The following SNX9 variants were observed in gnomAD, a reference collection of about 807,000 sequenced individuals.
SNX9 encodes sorting nexin-9.
In SNX9, 44 loss-of-function variants were observed where a neutral mutation model predicts 89.4. That is an observed-to-expected ratio of 0.49 (90% CI 0.39 to 0.63). The LOEUF (loss-of-function observed/expected upper bound fraction) is 0.63. Among genes scored for constraint, SNX9 ranks in the 30% least tolerant of loss-of-function variants. The pLI is 0.00. For missense variants in SNX9, 578 were observed against 736.1 expected, an observed-to-expected ratio of 0.79 and a Z score of 2.49; for synonymous variants, 236 against 247.8, an observed-to-expected ratio of 0.95 and a Z score of 0.45.
intron 4 of SNX9, among the ~76,000 whole-genome samples, chr6:157,880,168 A>G (rs1336785502): frequency 6.6e-6 from 1 of 152,234 alleles, no homozygotes; most frequent in Non-Finnish European, 1.5e-5. Flanking sequence ...CAGGCTTGCC[A>G]GTGCGGCTCC....
At chr6:157,853,754 C>T (rs1198421167) in intron 1 of SNX9, among the ~76,000 whole-genome samples, 1 of 151,360 alleles carries the variant, frequency 6.6e-6, no homozygotes, top group Non-Finnish European at 1.5e-5. Flanking sequence ...ATAGTTATGC[C>T]ACAATTTTTA....
chr6:157,834,016 G>A (rs1156650863), intron 1 of SNX9, among the ~76,000 whole-genome samples: 1 of 152,080 alleles, frequency 6.6e-6, no homozygotes, highest in Non-Finnish European at 1.5e-5. Flanking sequence ...GTACTTAGAG[G>A]TAATGAGGCG....
Position 157,823,868 on chromosome 6 carries a change from G to A in SNX9, c.12+422G>A, listed in dbSNP as rs1781288205. Reference sequence around the variant, plus strand: ...CCACGTCCCCTCCCGCTGCCGCCTGGGGGACCCTCGCCCCCGCGGGGCGGG... The same window carrying A: ...CCACGTCCCCTCCCGCTGCCGCCTGAGGGACCCTCGCCCCCGCGGGGCGGG... On this transcript the variant is annotated intron_variant, in intron 1 of 17. Coordinates refer to ENST00000392185, the MANE Select transcript of SNX9 (RefSeq NM_016224.5). This position sits in a 1 kb window ranked among gnomAD's most constrained non-coding sequence, Gnocchi z 4.6. Among the ~76,000 whole-genome samples, 1 of 152,012 alleles carries A rather than the reference G, an allele frequency of 6.6e-6. No individual in the cohort carries two copies. Among genetic ancestry groups the A allele is most frequent in the Non-Finnish European group, 1.5e-5 (1 of 67,962 alleles).
intron 10 of SNX9, among the ~76,000 whole-genome samples, chr6:157,924,069 A>G (rs1259395028): frequency 6.6e-6 from 1 of 152,258 alleles, no homozygotes; most frequent in African/African-American, 2.4e-5. Flanking sequence ...GTGGTGGCAC[A>G]CACCTGTAAT....
intron 5 of SNX9, among the ~76,000 whole-genome samples, chr6:157,898,876 C>A (rs1583224789): frequency 6.6e-6 from 1 of 152,158 alleles, no homozygotes; most frequent in Non-Finnish European, 1.5e-5. Context: ...GTCAGCAGGA[C>A]CAGGGGTGTG....
intron 1 of SNX9, among the ~76,000 whole-genome samples, chr6:157,831,494 TTTTC>T: frequency 6.6e-6 from 1 of 152,142 alleles, no homozygotes; most frequent in Non-Finnish European, 1.5e-5. Flanking sequence ...TGCACACAGG[TTTTC>T]CTCTTTACCC....
intron 1 of SNX9, among the ~76,000 whole-genome samples, chr6:157,826,413 T>C (rs765587276): frequency 2.0e-4 from 29 of 148,308 alleles, no homozygotes; most frequent in Non-Finnish European, 2.2e-4. Flanking sequence ...GGCAGGAGAA[T>C]AGCGTGAACC....
intron 5 of SNX9, among the ~76,000 whole-genome samples, chr6:157,899,438 C>T (rs987846454): frequency 2.6e-5 from 4 of 152,150 alleles, no homozygotes; most frequent in African/African-American, 9.7e-5. Context: ...TACCACTTAA[C>T]ATTCTTACAG....
intron 4 of SNX9, among the ~76,000 whole-genome samples, chr6:157,885,945 A>G (rs1782727093): frequency 6.6e-6 from 1 of 152,202 alleles, no homozygotes; most frequent in African/African-American, 2.4e-5. Flanking sequence ...TAGAAAGCCA[A>G]ACGGAAAGCA....
In SNX9 at chr6:157,875,170, T is replaced by C. The variant is rs1782493935; in HGVS notation, c.294T>C (p.Asn98=). The C allele has an allele frequency of 6.2e-7, 1 of 1,608,424 alleles. No homozygotes were observed. The highest frequency in any genetic ancestry group is 8.5e-7 in the Non-Finnish European group (1 of 1,177,174). The change falls in exon 4 of 18, where the codon AAT becomes AAC. Residue 98 remains asparagine, a synonymous_variant. Coordinates refer to ENST00000392185, the MANE Select transcript of SNX9 (RefSeq NM_016224.5). ...AQASSSAASN[N]HQVGSGNDPW... ...CCAGTTCGTCGGCTGCCAGCAACAA[T>C]CACCAGGTACGTCTCACTTCCTCCT...
Position 157,896,839 on chromosome 6 carries a change from A to G in SNX9, c.313A>G (p.Asn105Asp). Residue 105 changes from asparagine (N) to aspartate (D), a missense_variant, in exon 5 of 18, where the codon AAT becomes GAT. Asn to Asp is a conservative substitution (Grantham distance 23). Transcript: ENST00000392185. ...CCCCTCTCAATAGGTTGGCAGTGGC[A>G]ATGACCCCTGGTCAGCCTGGAGTGC... is the stretch of plus-strand genomic sequence containing the variant. ...ASNNHQVGSGNDPWSAWSASK... is the reference protein window; with the variant it reads ...ASNNHQVGSGDDPWSAWSASK... The G allele has an allele frequency of 6.2e-7, 1 of 1,612,482 alleles. No homozygotes were observed. Among genetic ancestry groups the G allele is most frequent in the Admixed American group, 1.7e-5 (1 of 59,308 alleles).
intron 4 of SNX9, among the ~76,000 whole-genome samples, chr6:157,877,414 T>A (rs1268662357): frequency 6.6e-6 from 1 of 152,124 alleles, no homozygotes; most frequent in Non-Finnish European, 1.5e-5. Context: ...TTAATGTAAA[T>A]CAAGTAAAAA....
chr6:157,823,475 G>T lies in SNX9; in HGVS notation c.12+29G>T. ...AGGGGCGCGCGGCGCAGGCCGGGCC[G>T]GTCGCTCAGGCCCGGGGCGGCGCGG... On this transcript the variant is annotated intron_variant, in intron 1 of 17. Transcript: ENST00000392185. The surrounding 1 kb of genome is among the most constrained non-coding windows in gnomAD (Gnocchi z 4.6). 8.4e-7 allele frequency: 1 copy of T among 1,191,330 alleles called. No individual in the cohort carries two copies. Among genetic ancestry groups the T allele is most frequent in the South Asian group, 3.7e-5 (1 of 26,738 alleles). 73.8% of individuals were successfully genotyped at this position (1,191,330 alleles called of 1,614,324 possible). A position where few individuals can be genotyped will look rare whatever the true frequency, so the allele number is the denominator to read the frequency against.
intron 4 of SNX9, among the ~76,000 whole-genome samples, chr6:157,894,167 T>G (rs1273871722): frequency 1.4e-5 from 2 of 142,504 alleles, no homozygotes; most frequent in Non-Finnish European, 3.0e-5. Flanking sequence ...TGGAGTGCAG[T>G]GGCGTGATCT....
At chr6:157,824,175 A>AGGAGCGGTGGTTTGCTTGTTTTAC (rs1781297521) in intron 1 of SNX9, among the ~76,000 whole-genome samples, 4 of 152,214 alleles carry the variant, frequency 2.6e-5, no homozygotes, top group African/African-American at 7.2e-5. Flanking sequence ...GTCATTGGCT[A>AGGAGCGGTGGTTTGCTTGTTTTAC]GGAGCGGTGG....
At chr6:157,840,220 C>T (rs910400600) in intron 1 of SNX9, among the ~76,000 whole-genome samples, 4 of 129,308 alleles carry the variant, frequency 3.1e-5, no homozygotes, top group Admixed American at 2.2e-4. Flanking sequence ...CTTTGGATCT[C>T]GGGAAAGAGC....
chr6:157,879,975 T>G (rs1208177892), intron 4 of SNX9, among the ~76,000 whole-genome samples: 1 of 152,238 alleles, frequency 6.6e-6, no homozygotes, highest in African/African-American at 2.4e-5. Context: ...AGGTTTGTTT[T>G]CTGTCTCCTT....
intron 1 of SNX9, among the ~76,000 whole-genome samples, chr6:157,826,848 T>TTATATATAAATATATATTATAGTG (rs1781361927): frequency 1.2e-5 from 1 of 86,554 alleles, no homozygotes; most frequent in African/African-American, 6.4e-5. Context: ...ATATTATATT[T>TTATATATAAATATATATTATAGTG]TATATATAAA....
chr6:157,932,082 A>G (rs1224607362), intron 12 of SNX9, 113 bp from the exon 13 acceptor site: 3 of 831,712 alleles, frequency 3.6e-6, no homozygotes, highest in Non-Finnish European at 5.9e-6. Context: ...GTGAAGGAAT[A>G]TATAGACTAT....
Sources: gnomAD v4.1 joint callset for allele counts (sites outside exome capture counted in the v4.1 genomes callset) on GRCh38, gnomAD v4.1.1 for gene constraint, Gnocchi (gnomAD v3.1) non-coding constraint, MANE v1.5 for transcripts, NCBI Gene and HGNC (gene_info 2026-07-23, HGNC 2026-07-21) for gene names.